The following TAFA1 variants were observed in gnomAD, a reference collection of about 807,000 sequenced individuals.
TAFA1 encodes chemokine-like protein TAFA-1.
TAFA1 carries 4 observed loss-of-function variants against 18.5 expected under a neutral mutation model. That is an observed-to-expected ratio of 0.22 (90% CI 0.11 to 0.49). The LOEUF (loss-of-function observed/expected upper bound fraction) is 0.49. Among genes scored for constraint, TAFA1 ranks in the 20% least tolerant of loss-of-function variants. TAFA1 has a pLI of 0.98. For missense variants in TAFA1, 147 were observed against 169.0 expected (o/e 0.87, Z 0.72); for synonymous variants, 56 against 55.2 (o/e 1.01, Z -0.06).
At chr3:68,271,676 C>G (rs556173441) in intron 2 of TAFA1, among the ~76,000 whole-genome samples, 1 of 151,976 alleles carries the variant, frequency 6.6e-6, no homozygotes, top group South Asian at 2.1e-4. Context: ...GTGTTTGTGT[C>G]GAATACCCCA....
chr3:68,263,065 G>A (rs1290012493), intron 2 of TAFA1, among the ~76,000 whole-genome samples: 4 of 152,076 alleles, frequency 2.6e-5, no homozygotes, highest in Non-Finnish European at 5.9e-5. Context: ...CAGGTTTTTA[G>A]AGTATTACTC....
At chr3:68,384,302 G>C (rs1193588985) in intron 2 of TAFA1, among the ~76,000 whole-genome samples, 1 of 151,568 alleles carries the variant, frequency 6.6e-6, no homozygotes, top group African/African-American at 2.4e-5. Flanking sequence ...TTATGATATG[G>C]ACTTTAAGAG....
At chr3:68,493,354 A>G (rs2072487792) in intron 3 of TAFA1, among the ~76,000 whole-genome samples, 1 of 152,184 alleles carries the variant, frequency 6.6e-6, no homozygotes, top group African/African-American at 2.4e-5. Context: ...ATTTTATTGT[A>G]TATATACACT....
chr3:68,491,536 G>A (rs1453038842), intron 3 of TAFA1, among the ~76,000 whole-genome samples: 2 of 107,784 alleles, frequency 1.9e-5, no homozygotes, highest in African/African-American at 3.7e-5. Flanking sequence ...TCTGGGGACT[G>A]TTGTGGGGTG....
At chr3:68,415,085 T>C (rs1274502790) in intron 2 of TAFA1, among the ~76,000 whole-genome samples, 2 of 152,190 alleles carry the variant, frequency 1.3e-5, no homozygotes, top group Non-Finnish European at 2.9e-5. Context: ...CCCAGTGTCG[T>C]GCATGGGGAG....
At chr3:68,104,039 T>G (rs1370484579) in intron 2 of TAFA1, among the ~76,000 whole-genome samples, 1 of 152,160 alleles carries the variant, frequency 6.6e-6, no homozygotes, top group Non-Finnish European at 1.5e-5. Flanking sequence ...TTTATGTGTC[T>G]CCAGTGCATC....
intron 2 of TAFA1, among the ~76,000 whole-genome samples, chr3:68,386,400 T>A (rs1189799685): frequency 6.6e-6 from 1 of 152,102 alleles, no homozygotes; most frequent in Non-Finnish European, 1.5e-5. Context: ...GAGTTTTTTT[T>A]TGTTTGTTTT....
chr3:68,166,787 C>T (rs1346605754), intron 2 of TAFA1, among the ~76,000 whole-genome samples: 1 of 152,102 alleles, frequency 6.6e-6, no homozygotes, highest in Admixed American at 6.5e-5. Flanking sequence ...GCAGAACTCT[C>T]AGGAAGAGGC....
rs150101705 is a variant in TAFA1 at position 68,347,129 on chromosome 3, G to A, written c.119-70151G>A. On this transcript the variant is annotated intron_variant, in intron 2 of 4. Transcript: ENST00000478136. Reference sequence around the variant, plus strand: ...CCGTTATTATACATCATTTTCATCTGGAATTCTCTTACTGCTTATACTTTT... The same window carrying A: ...CCGTTATTATACATCATTTTCATCTAGAATTCTCTTACTGCTTATACTTTT... Among the ~76,000 whole-genome samples, 63 of 152,162 alleles carry A rather than the reference G, an allele frequency of 4.1e-4. No homozygotes were observed. The East Asian group carries it at 0.012, about 29-fold the overall frequency.
intron 2 of TAFA1, among the ~76,000 whole-genome samples, chr3:68,125,298 T>G (rs1372389962): frequency 6.6e-6 from 1 of 152,242 alleles, no homozygotes; most frequent in Non-Finnish European, 1.5e-5. Flanking sequence ...AAAGGGCTGA[T>G]ATTCATAAAG....
intron 2 of TAFA1, among the ~76,000 whole-genome samples, chr3:68,149,561 G>A (rs1469594302): frequency 6.6e-6 from 1 of 152,190 alleles, no homozygotes; most frequent in Non-Finnish European, 1.5e-5. Flanking sequence ...GAGGAAGTAA[G>A]AGAGAGGGGT....
chr3:68,541,050 C>T (rs190403754), intron 4 of TAFA1, among the ~76,000 whole-genome samples: 2 of 152,254 alleles, frequency 1.3e-5, no homozygotes, highest in African/African-American at 2.4e-5. Flanking sequence ...CCATTGCAGT[C>T]GGTTTGAAAG....
At chr3:68,120,239 TTC>T (rs2065380956) in intron 2 of TAFA1, among the ~76,000 whole-genome samples, 8 of 134,816 alleles carry the variant, frequency 5.9e-5, no homozygotes, top group African/African-American at 2.4e-4. Context: ...CTTTCTTTCT[TTC>T]TTTCTTTCTT....
chr3:68,525,161 A>G (rs1386574550), intron 3 of TAFA1, among the ~76,000 whole-genome samples: 1 of 152,124 alleles, frequency 6.6e-6, no homozygotes, highest in Non-Finnish European at 1.5e-5. Context: ...GTCTCCTTTG[A>G]TTATTTTTTT....
chr3:68,049,849 G>A (rs1313290039), intron 2 of TAFA1, among the ~76,000 whole-genome samples: 7 of 152,014 alleles, frequency 4.6e-5, no homozygotes, highest in Non-Finnish European at 7.4e-5. Flanking sequence ...CTTTCATCCC[G>A]CTCTGAATAA....
At chr3:68,490,252 G>C (rs1463137005) in intron 3 of TAFA1, among the ~76,000 whole-genome samples, 2 of 152,120 alleles carry the variant, frequency 1.3e-5, no homozygotes, top group African/African-American at 4.8e-5. Flanking sequence ...CCAGTGAATA[G>C]TTCATCATAT....
chr3:68,048,968 G>A (rs1482520850), intron 2 of TAFA1, among the ~76,000 whole-genome samples: 1 of 152,062 alleles, frequency 6.6e-6, no homozygotes, highest in African/African-American at 2.4e-5. Context: ...TTTCTTTGGG[G>A]CATATACCTA....
intron 2 of TAFA1, among the ~76,000 whole-genome samples, chr3:68,045,350 ATT>A (rs1161720485): frequency 6.6e-6 from 1 of 152,172 alleles, no homozygotes; most frequent in Non-Finnish European, 1.5e-5. Flanking sequence ...GGGGCATTAC[ATT>A]TTCTTTTGTT....
At chr3:67,993,001 G>T in the TAFA1 span, among the ~76,000 whole-genome samples, 1 of 152,210 alleles carries the variant, frequency 6.6e-6, no homozygotes, top group African/African-American at 2.4e-5. Flanking sequence ...ATCAGAGAAT[G>T]GTCTGTGATT....
Sources: gnomAD v4.1 joint callset for allele counts (sites outside exome capture counted in the v4.1 genomes callset) on GRCh38, gnomAD v4.1.1 for gene constraint, MANE v1.5 for transcripts, NCBI Gene and HGNC (gene_info 2026-07-23, HGNC 2026-07-21) for gene names.